The following CSNK1E variants were observed in gnomAD, a reference collection of about 807,000 sequenced individuals.
The protein encoded by CSNK1E is casein kinase I isoform epsilon.
A neutral mutation model predicts 46.1 loss-of-function variants in CSNK1E; 17 were observed. The ratio of observed to expected loss-of-function variants is 0.37; its 90% CI spans 0.25 to 0.55. The LOEUF is 0.55. Among genes scored for constraint, CSNK1E ranks in the 20% least tolerant of loss-of-function variants. The pLI is 0.82. For missense variants in CSNK1E, 386 were observed against 595.4 expected, an observed-to-expected ratio of 0.65 and a Z score of 3.66; for synonymous variants, 241 against 242.6, an observed-to-expected ratio of 0.99 and a Z score of 0.06.
At chr22:38,302,822 AC>A in intron 4 of CSNK1E, 38 bp downstream of exon 4, 1 of 1,610,662 alleles carries the variant, frequency 6.2e-7, no homozygotes, top group Non-Finnish European at 8.5e-7. Flanking sequence ...TCCTGGGCCC[AC>A]AGGCATCTGG....
intron 7 of CSNK1E, chr22:38,295,301 G>T: frequency 2.2e-6 from 1 of 459,056 alleles, no homozygotes; most frequent in Non-Finnish European, 2.9e-6. Context: ...GTGCCCTGCT[G>T]TCCAGCCACT....
chr22:38,294,738 G>A lies in CSNK1E; in HGVS notation c.886-204C>T, dbSNP rs2087950681. Among the ~76,000 whole-genome samples, 1 of 152,174 alleles carries A rather than the reference G, an allele frequency of 6.6e-6. No homozygotes were observed. Among genetic ancestry groups the A allele is most frequent in the Non-Finnish European group, 1.5e-5 (1 of 68,026 alleles). ...GAAGCCACACAACCACCAGAGGAAG[G>A]AGAAAGCAGGAGTCTGGGGGCAGAG... On this transcript the variant is annotated intron_variant, in intron 7 of 10. Coordinates refer to ENST00000396832, the MANE Select transcript of CSNK1E (RefSeq NM_152221.3). The surrounding 1 kb of genome is among the most constrained non-coding windows in gnomAD (Gnocchi z 5.5).
chr22:38,308,509 G>C (rs1027993937), intron 2 of CSNK1E, among the ~76,000 whole-genome samples: 3 of 152,062 alleles, frequency 2.0e-5, no homozygotes, highest in Non-Finnish European at 4.4e-5. Context: ...AGGGGTCGTC[G>C]GACAAGGCAC....
At chr22:38,311,745 T>C (rs1186533311) in intron 2 of CSNK1E, among the ~76,000 whole-genome samples, 2 of 151,962 alleles carry the variant, frequency 1.3e-5, no homozygotes, top group Non-Finnish European at 2.9e-5. Flanking sequence ...ACACAGCAAA[T>C]GAGGAACACG....
chr22:38,314,643 C>T (rs2092735701), intron 1 of CSNK1E, among the ~76,000 whole-genome samples: 1 of 152,194 alleles, frequency 6.6e-6, no homozygotes, highest in African/African-American at 2.4e-5. Flanking sequence ...CTTCCAGCCA[C>T]CTCCCCATCT....
intron 4 of CSNK1E, among the ~76,000 whole-genome samples, 186 bp downstream of exon 4, chr22:38,302,675 C>T (rs752265827): frequency 1.1e-4 from 16 of 152,214 alleles, no homozygotes; most frequent in Admixed American, 2.6e-4. Flanking sequence ...CGCACCACTG[C>T]GCTCCAGCCT....
intron 1 of CSNK1E, among the ~76,000 whole-genome samples, chr22:38,314,407 G>A (rs135764): frequency 0.071 from 10,743 of 152,264 alleles, 461 homozygotes; most frequent in East Asian, 0.17. Flanking sequence ...CATGTCTTTG[G>A]GGGATGCTCA....
At position 38,298,616 on chromosome 22, in the gene CSNK1E, G is replaced by T; in HGVS notation, c.885+170C>A. 1 of 732,394 alleles carries T rather than the reference G, an allele frequency of 1.4e-6. No homozygotes were observed. Among genetic ancestry groups the T allele is most frequent in the South Asian group, 1.7e-5 (1 of 58,228 alleles). 45.4% of individuals were successfully genotyped at this position (732,394 alleles called of 1,614,324 possible). On this transcript the variant is annotated intron_variant, in intron 7 of 10. Transcript: ENST00000396832. The surrounding 1 kb of genome is among the most constrained non-coding windows in gnomAD (Gnocchi z 4.2). ...CTGCCCATGGTGGCACAAGCTGTCA[G>T]CACGGATGAGGCTGGAGGGCTCTGG...
Position 38,303,283 on chromosome 22 carries a change from C to A in CSNK1E, c.77-35G>T. 6.5e-7 allele frequency: 1 copy of A among 1,544,776 alleles called. No individual in the cohort carries two copies. Among genetic ancestry groups the A allele is most frequent in the East Asian group, 2.3e-5 (1 of 43,326 alleles). ...GCAGGGAGGCAAGGGACCAGGGTCA[C>A]CCTCAAAGGCCAGGCAGTCCCAGGC... On this transcript the variant is annotated intron_variant, in intron 2 of 10. Transcript: ENST00000396832. This position sits in a 1 kb window ranked among gnomAD's most constrained non-coding sequence, Gnocchi z 4.7.
At position 38,300,598 on chromosome 22, in the gene CSNK1E, G is replaced by C. The variant is rs1487291018; in HGVS notation, c.565+126C>G. 2.3e-6 allele frequency: 2 copies of C among 884,220 alleles called. No individual in the cohort carries two copies. Among genetic ancestry groups the C allele is most frequent in the African/African-American group, 1.7e-5 (1 of 59,380 alleles). 54.8% of individuals were successfully genotyped at this position (884,220 alleles called of 1,614,324 possible). ...AAGCACGAGCTTGGGGGCAGACGGG[G>C]TGGGGACTTTCTCACTAGAAAAGAG... On this transcript the variant is annotated intron_variant, in intron 5 of 10. Coordinates refer to ENST00000396832, the MANE Select transcript of CSNK1E (RefSeq NM_152221.3). The surrounding 1 kb of genome is among the most constrained non-coding windows in gnomAD (Gnocchi z 4.4).
rs903377228 is a variant in CSNK1E at position 38,309,548 on chromosome 22, G to A, written c.76+4534C>T. On this transcript the variant is annotated intron_variant, in intron 2 of 10. Coordinates refer to ENST00000396832, the MANE Select transcript of CSNK1E (RefSeq NM_152221.3). This position sits in a 1 kb window ranked among gnomAD's most constrained non-coding sequence, Gnocchi z 4.8. ...CGGCTCACTGCAACTTCTGCCTCCC[G>A]GGTTCAAGCGATTCTCATGCCTCAG... Among the ~76,000 whole-genome samples the A allele has an allele frequency of 2.6e-5, 4 of 151,898 alleles. No individual in the cohort carries two copies. Among genetic ancestry groups the A allele is most frequent in the African/African-American group, 4.8e-5 (2 of 41,318 alleles).
chr22:38,296,424 G>A, intron 7 of CSNK1E: 1 of 1,443,904 alleles, frequency 6.9e-7, no homozygotes, highest in Admixed American at 2.8e-5. Flanking sequence ...CAACAACACA[G>A]GGTGTCCTGT....
In CSNK1E at chr22:38,300,966, G is replaced by A; in HGVS notation, c.337-14C>T. 6.2e-7 allele frequency: 1 copy of A among 1,611,622 alleles called. No individual in the cohort carries two copies. Among genetic ancestry groups the A allele is most frequent in the Non-Finnish European group, 8.5e-7 (1 of 1,177,802 alleles). On this transcript the variant is annotated splice_polypyrimidine_tract_variant and intron_variant, in intron 4 of 10. Transcript: ENST00000396832. The surrounding 1 kb of genome is among the most constrained non-coding windows in gnomAD (Gnocchi z 4.4). ...GATGCGGCTGATCTGGGGAGGAGGGGGGCCATTTGTTCAACAGAGGGGCCC... is the reference window on the plus strand; with the variant it reads ...GATGCGGCTGATCTGGGGAGGAGGGAGGCCATTTGTTCAACAGAGGGGCCC...
At chr22:38,317,627 TACTG>T (rs2092755662), upstream of CSNK1E, among the ~76,000 whole-genome samples, 1 of 151,730 alleles carries the variant, frequency 6.6e-6, no homozygotes, top group African/African-American at 2.4e-5. Context: ...AGCACACAGA[TACTG>T]ACACCCTAAT....
intron 1 of CSNK1E, among the ~76,000 whole-genome samples, chr22:38,314,432 A>G (rs2092734610): frequency 6.6e-6 from 1 of 152,152 alleles, no homozygotes; most frequent in South Asian, 2.1e-4. Context: ...GGGGCCCCTC[A>G]AAAGAAGCTT....
chr22:38,293,737 C>A (rs1202816181), intron 9 of CSNK1E, among the ~76,000 whole-genome samples: 1 of 152,116 alleles, frequency 6.6e-6, no homozygotes, highest in Non-Finnish European at 1.5e-5. Flanking sequence ...CCTCACTGCC[C>A]CTACACCCCA....
At position 38,293,317 on chromosome 22, in the gene CSNK1E, T is replaced by G; in HGVS notation, c.1221A>C (p.Thr407=). Residue 407 remains threonine, a splice_region_variant and synonymous_variant, in exon 10 of 11, where the codon ACA becomes ACC. Coordinates refer to ENST00000396832, the MANE Select transcript of CSNK1E (RefSeq NM_152221.3). ...QEVSRIPASQ[T]SVPFDHLGK is the part of the protein sequence containing the mutation. ...TCCCGAGATGGTCAAATGGCACACT[T>G]GTCTTTTGAGGGTGGGGAGGGAGAG... The G allele has an allele frequency of 1.2e-6, 2 of 1,609,450 alleles. No homozygotes were observed. Among genetic ancestry groups the G allele is most frequent in the Non-Finnish European group, 8.5e-7 (1 of 1,177,436 alleles).
At position 38,303,517 on chromosome 22, in the gene CSNK1E, T is replaced by G. The variant is rs1430239582; in HGVS notation, c.77-269A>C. The stretch of plus-strand genomic sequence containing the variant: ...GGGCGACAAGAAGGCCCGATGTGAG[T>G]GGGGCAAGGGTCAGGTATGCAAAAG... On this transcript the variant is annotated intron_variant, in intron 2 of 10. Transcript: ENST00000396832. This position sits in a 1 kb window ranked among gnomAD's most constrained non-coding sequence, Gnocchi z 4.7. Among the ~76,000 whole-genome samples the G allele has an allele frequency of 2.0e-5, 3 of 151,876 alleles. No individual in the cohort carries two copies. Among genetic ancestry groups the G allele is most frequent in the Non-Finnish European group, 4.4e-5 (3 of 67,958 alleles).
At chr22:38,299,839 C>T in intron 6 of CSNK1E, 56 bp downstream of exon 6, 8 of 1,590,202 alleles carry the variant, frequency 5.0e-6, no homozygotes, top group Non-Finnish European at 6.9e-6. Flanking sequence ...CTCACCTTTC[C>T]CTTAGACAGT....
Sources: gnomAD v4.1 joint callset for allele counts (sites outside exome capture counted in the v4.1 genomes callset) on GRCh38, gnomAD v4.1.1 for gene constraint, Gnocchi (gnomAD v3.1) non-coding constraint, MANE v1.5 for transcripts, NCBI Gene and HGNC (gene_info 2026-07-23, HGNC 2026-07-21) for gene names.